Variants in CIC observed in about 807,000 individuals in gnomAD.
CIC encodes capicua transcriptional repressor.
A neutral mutation model predicts 115.7 loss-of-function variants in CIC; 18 were observed. The observed-to-expected ratio is 0.16, with a 90% CI of 0.11 to 0.23. CIC has a LOEUF of 0.23. Ranked by LOEUF, CIC falls within the 10% of genes least tolerant of loss-of-function variation. The probability of loss-of-function intolerance (pLI) is 1.00; values close to 1 mark genes in which losing one functional copy is unlikely to be tolerated. For synonymous variants in CIC, 1,076 were observed against 923.0 expected (o/e 1.17, Z -3.01); for missense variants, 2,000 against 2,159.3 (o/e 0.93, Z 1.46).
intron 2 of CIC, among the ~76,000 whole-genome samples, chr19:42,278,133 G>A (rs1174650264): frequency 6.6e-6 from 1 of 152,250 alleles, no homozygotes; most frequent in Non-Finnish European, 1.5e-5. Flanking sequence ...GCTGGGGCAG[G>A]CGGCTGGCAT....
At position 42,286,765 on chromosome 19, in the gene CIC, C is replaced by T. The variant is rs1568502024; in HGVS notation, c.2795-6C>T. 4.3e-6 allele frequency: 7 copies of T among 1,613,852 alleles called. No homozygotes were observed. Among genetic ancestry groups the T allele is most frequent in the Non-Finnish European group, 5.9e-6 (7 of 1,179,980 alleles). ...GCTGCACAGCTCACCTGGCTCCTTT[C>T]CACAGTGTGGACGAATGTGGAACCT... is the stretch of plus-strand genomic sequence containing the variant. On this transcript the variant is annotated splice_polypyrimidine_tract_variant and splice_region_variant and intron_variant, in intron 2 of 20. Transcript: ENST00000681038.
chr19:42,293,845 G>A lies in CIC; in HGVS notation c.6767+9G>A, dbSNP rs1368642672. On this transcript the variant is annotated intron_variant, in intron 17 of 20. Transcript: ENST00000681038. ...TTTGACTCTGTGGACAAGTGAGCAT[G>A]GGCTGGGGCCTTGGTGGAGCGTGTT... 8 of 1,612,924 alleles carry A rather than the reference G, an allele frequency of 5.0e-6. No individual in the cohort carries two copies. The highest frequency in any genetic ancestry group is 5.9e-6 in the Non-Finnish European group (7 of 1,179,716).
At chr19:42,291,849 C>G (rs143623952) in intron 12 of CIC, 104 bp downstream of exon 12, 1 of 1,451,940 alleles carries the variant, frequency 6.9e-7, no homozygotes, top group South Asian at 1.2e-5. Context: ...GTATCTGGTT[C>G]TCTGTCTTGC....
rs2147190098 is a variant in CIC, at chr19:42,287,412, A to T, written c.3272A>T (p.Asp1091Val). ...CTCAGTGCCCTACCCAAGGAACGGGACTCATCTTCTGAGAAGGATGGACGC... is the reference window on the plus strand; with the variant it reads ...CTCAGTGCCCTACCCAAGGAACGGGTCTCATCTTCTGAGAAGGATGGACGC... ...QSLSALPKER[D>V]SSSEKDGRSP... is the part of the protein sequence containing the mutation. Residue 1091 changes from aspartate to valine, a missense_variant, in exon 5 of 21, where the codon GAC (aspartate) becomes GTC (valine). Asp to Val is a radical substitution (Grantham distance 152, BLOSUM62 -3). Transcript: ENST00000681038. This position sits in a 1 kb window ranked among gnomAD's most constrained non-coding sequence, Gnocchi z 8.7. The T allele has an allele frequency of 6.2e-7, 1 of 1,613,912 alleles. No homozygotes were observed. The highest frequency in any genetic ancestry group is 1.1e-5 in the South Asian group (1 of 91,074).
intron 7 of CIC, among the ~76,000 whole-genome samples, chr19:42,288,522 G>A (rs2037828768): frequency 6.6e-6 from 1 of 152,166 alleles, no homozygotes; most frequent in African/African-American, 2.4e-5. Flanking sequence ...AGGTTAGATG[G>A]ATAGTTGCTA....
In CIC at chr19:42,290,402, C is replaced by G. The variant is rs150295260; in HGVS notation, c.4361C>G (p.Ser1454Trp). 3.7e-6 allele frequency: 6 copies of G among 1,614,084 alleles called. No homozygotes were observed. The highest frequency in any genetic ancestry group is 5.1e-6 in the Non-Finnish European group (6 of 1,179,968). The stretch of plus-strand genomic sequence containing the variant: ...TCCTCGCCTGCTTCCTCCTCAGCCT[C>G]GGCAGCCACCTCCTTCTCACTGGGC... ...SASSPASSSASAATSFSLGSG... is the reference protein window; with the variant it reads ...SASSPASSSAWAATSFSLGSG... The change falls in exon 11 of 21, where the codon TCG becomes TGG. Residue 1454 changes from serine to tryptophan, a missense_variant. Around this residue, in one of 8 missense-constraint regions of CIC, gnomAD observed 1,466 missense variants for 1,390.4 expected, o/e 1.05. Coordinates refer to ENST00000681038, the MANE Select transcript of CIC (RefSeq NM_001386298.1).
At position 42,270,362 on chromosome 19, in the gene CIC, C is replaced by A. The variant is rs2036732964; in HGVS notation, c.-11+981C>A. On this transcript the variant is annotated intron_variant, in intron 1 of 20. Coordinates refer to ENST00000681038, the MANE Select transcript of CIC (RefSeq NM_001386298.1). This position sits in a 1 kb window ranked among gnomAD's most constrained non-coding sequence, Gnocchi z 4.1. Reference sequence around the variant, plus strand: ...CATGAGGTCAAGGGTCCCCCAGTAGCTGGAAGACTGAGTCGGGGTTGCCTC... The same window carrying A: ...CATGAGGTCAAGGGTCCCCCAGTAGATGGAAGACTGAGTCGGGGTTGCCTC... 6.6e-6 allele frequency among the ~76,000 whole-genome samples: 1 copy of A among 152,154 alleles called. No homozygotes were observed.
intron 12 of CIC, 44 bp from the exon 13 acceptor site, chr19:42,292,042 T>A: frequency 6.2e-7 from 1 of 1,612,246 alleles, no homozygotes. Flanking sequence ...TGCCCCAGTC[T>A]GGGGCCACAG....
At chr19:42,281,113 G>C (rs565859426) in intron 2 of CIC, among the ~76,000 whole-genome samples, 1 of 150,528 alleles carries the variant, frequency 6.6e-6, no homozygotes, top group Admixed American at 6.6e-5. Context: ...AGGCAACCCT[G>C]GCCGTCGCCG....
Position 42,281,084 on chromosome 19 carries a change from A to G in CIC, c.2795-5687A>G, listed in dbSNP as rs966601282. ...CATCCTTGCCGAGCCGCGCCAGCCCAATCCTGGGCTCGTTCCCCAGGCAAC... is the reference window on the plus strand; with the variant it reads ...CATCCTTGCCGAGCCGCGCCAGCCCGATCCTGGGCTCGTTCCCCAGGCAAC... On this transcript the variant is annotated intron_variant, in intron 2 of 20. Coordinates refer to ENST00000681038, the MANE Select transcript of CIC (RefSeq NM_001386298.1). Among the ~76,000 whole-genome samples, 66 of 147,622 alleles carry G rather than the reference A, an allele frequency of 4.5e-4. 1 individual carries two copies. Among genetic ancestry groups the G allele is most frequent in the African/African-American group, 1.4e-3 (58 of 40,508 alleles).
Position 42,291,700 on chromosome 19 carries a change from G to T in CIC, c.5568G>T (p.Pro1856=), listed in dbSNP as rs757275594. Residue 1856 remains proline (P), a synonymous_variant, in exon 12 of 21, where the codon CCG becomes CCT. Coordinates refer to ENST00000681038, the MANE Select transcript of CIC (RefSeq NM_001386298.1). ...GCCAGCCACTGCCACTGGTGAGCCC[G>T]CCCTTCTCAGTACCTGTGCAGAATG... is the stretch of plus-strand genomic sequence containing the variant. ...GAGQPLPLVS[P]PFSVPVQNGA... is the part of the protein sequence containing the mutation. 2 of 1,612,952 alleles carry T rather than the reference G, an allele frequency of 1.2e-6. No homozygotes were observed. Among genetic ancestry groups the T allele is most frequent in the South Asian group, 2.2e-5 (2 of 91,090 alleles).
At chr19:42,279,933 G>A (rs1165130347) in intron 2 of CIC, 1 of 153,346 alleles carries the variant, frequency 6.5e-6, no homozygotes. Context: ...CGAGGCGTCA[G>A]GCTGCCTCCT....
rs1039062682 is a variant in CIC, at chr19:42,290,915, G to A, written c.4874G>A (p.Arg1625Gln). The change falls in exon 11 of 21, where the codon CGG (arginine) becomes CAG (glutamine). Residue 1625 changes from arginine (R) to glutamine (Q), a missense_variant. Arg to Gln is a conservative substitution (Grantham distance 43, BLOSUM62 1). This residue lies in a region of CIC where 1,466 missense variants were observed against 1,390.4 expected (regional missense o/e 1.05). Coordinates refer to ENST00000681038, the MANE Select transcript of CIC (RefSeq NM_001386298.1). Reference sequence around the variant, plus strand: ...AGGACTGAAATGGGCACTGGGTCTCGGGTGCCTGGGGGCTCCCCGCTGGGT... The same window carrying A: ...AGGACTGAAATGGGCACTGGGTCTCAGGTGCCTGGGGGCTCCCCGCTGGGT... ...GARTEMGTGS[R>Q]VPGGSPLGVS... 97 of 1,613,420 alleles carry A rather than the reference G, an allele frequency of 6.0e-5. No individual in the cohort carries two copies. The highest frequency in any genetic ancestry group is 8.0e-5 in the Non-Finnish European group (94 of 1,180,004).
chr19:42,271,757 G>A lies in CIC; in HGVS notation c.-10-17G>A, dbSNP rs955113101. ...CCTGAGTTGCTCCGCGTAATCCTCC[G>A]CTCTCCCACCCTGCAGGTGGACAAA... is the stretch of plus-strand genomic sequence containing the variant. On this transcript the variant is annotated splice_polypyrimidine_tract_variant and intron_variant, in intron 1 of 20. Transcript: ENST00000681038. The A allele has an allele frequency of 1.1e-4, 45 of 398,558 alleles. No homozygotes were observed. The East Asian group carries it at 1.2e-3, about 11-fold the overall frequency. 24.7% of individuals were successfully genotyped at this position (398,558 alleles called of 1,614,324 possible). A position where few individuals can be genotyped will look rare whatever the true frequency, so the allele number is the denominator to read the frequency against.
At position 42,287,533 on chromosome 19, in the gene CIC, T is replaced by C; in HGVS notation, c.3310-12T>C. Reference sequence around the variant, plus strand: ...GTCCTAACTGTCCCGCTCTGGGCTGTGTTTAATGCAGCGGGAGAAGGACCA... The same window carrying C: ...GTCCTAACTGTCCCGCTCTGGGCTGCGTTTAATGCAGCGGGAGAAGGACCA... On this transcript the variant is annotated splice_polypyrimidine_tract_variant and intron_variant, in intron 5 of 20. Coordinates refer to ENST00000681038, the MANE Select transcript of CIC (RefSeq NM_001386298.1). The surrounding 1 kb of genome is among the most constrained non-coding windows in gnomAD (Gnocchi z 8.7). 1 of 1,613,068 alleles carries C rather than the reference T, an allele frequency of 6.2e-7. No homozygotes were observed. The highest frequency in any genetic ancestry group is 2.2e-5 in the East Asian group (1 of 44,880).
chr19:42,287,148 T>C lies in CIC; in HGVS notation c.3087T>C (p.Gly1029=). 1 of 1,613,416 alleles carries C rather than the reference T, an allele frequency of 6.2e-7. No homozygotes were observed. The highest frequency in any genetic ancestry group is 8.5e-7 in the Non-Finnish European group (1 of 1,179,840). The change falls in exon 4 of 21, where the codon GGT becomes GGC. Residue 1029 remains glycine, a synonymous_variant. Transcript: ENST00000681038. The surrounding 1 kb of genome is among the most constrained non-coding windows in gnomAD (Gnocchi z 8.7). ...ACCCTTTGGGGGTGGTGGAATCTGG[T>C]AAGGGTCCGCCTCCCACCACGGAGG... ...PPHPLGVVES[G]KGPPPTTEEE... is the part of the protein sequence containing the mutation.
At position 42,291,699 on chromosome 19, in the gene CIC, C is replaced by T. The variant is rs749413984; in HGVS notation, c.5567C>T (p.Pro1856Leu). The T allele has an allele frequency of 3.7e-6, 6 of 1,612,902 alleles. No individual in the cohort carries two copies. The highest frequency in any genetic ancestry group is 1.7e-5 in the Admixed American group (1 of 60,002). The change falls in exon 12 of 21, where the codon CCG (proline) becomes CTG (leucine). Residue 1856 changes from proline to leucine, a missense_variant. Physicochemically the swap from Pro to Leu is moderately conservative, Grantham distance 98. This residue lies in a region of CIC where 1,466 missense variants were observed against 1,390.4 expected (regional missense o/e 1.05). Coordinates refer to ENST00000681038, the MANE Select transcript of CIC (RefSeq NM_001386298.1). ...GGCCAGCCACTGCCACTGGTGAGCC[C>T]GCCCTTCTCAGTACCTGTGCAGAAT... is the stretch of plus-strand genomic sequence containing the variant. ...GAGQPLPLVS[P>L]PFSVPVQNGA...
rs112316141 is a variant in CIC at position 42,286,671 on chromosome 19, CAA to C, written c.2795-97_2795-96del. ...TCTGGTGTTGGGGGTGGGGGGTAGA[CAA>C]AAGGGGTGGGGCTACCTCATCTAGG... On this transcript the variant is annotated intron_variant, in intron 2 of 20. Transcript: ENST00000681038. The C allele has an allele frequency of 7.1e-6, 10 of 1,404,394 alleles. No homozygotes were observed. In the African/African-American group the frequency reaches 1.2e-4, roughly 16 times the overall value. The allele number at this position is 1,404,394 out of a possible 1,614,324, so 87.0% of individuals were successfully genotyped here. A position where few individuals can be genotyped will look rare whatever the true frequency, so the allele number is the denominator to read the frequency against.
chr19:42,268,573 G>C (rs1335681633), upstream of CIC: 1 of 152,234 alleles, frequency 6.6e-6, no homozygotes, highest in Admixed American at 6.5e-5. Context: ...AGCCACCGGC[G>C]ACGCCAGAGC....
Sources: allele counts gnomAD v4.1 joint callset (sites outside exome capture counted in the v4.1 genomes callset), GRCh38; gene constraint gnomAD v4.1.1; regional missense constraint gnomAD v4.1.1; non-coding constraint Gnocchi (gnomAD v3.1); transcripts MANE v1.5; gene names NCBI Gene and HGNC (gene_info 2026-07-23, HGNC 2026-07-21).